Variants in RPS6KC1 observed in about 807,000 individuals in gnomAD.
RPS6KC1 encodes ribosomal protein S6 kinase C1.
RPS6KC1 carries 54 observed loss-of-function variants against 103.8 expected under a neutral mutation model. The observed-to-expected ratio is 0.52, with a 90% CI of 0.42 to 0.65. RPS6KC1 has a LOEUF of 0.65. Ranked by LOEUF, RPS6KC1 falls within the 30% of genes least tolerant of loss-of-function variation. The pLI is 0.00. For synonymous variants in RPS6KC1, 439 were observed against 438.7 expected (o/e 1.00, Z -0.01); for missense variants, 1,151 against 1,253.8 (o/e 0.92, Z 1.24).
the RPS6KC1 span, among the ~76,000 whole-genome samples, chr1:213,344,002 T>A: frequency 6.6e-6 from 1 of 152,184 alleles, no homozygotes; most frequent in Admixed American, 6.5e-5. Context: ...GTGTGAGGTC[T>A]AAATAAAAGC....
the RPS6KC1 span, among the ~76,000 whole-genome samples, chr1:213,318,739 G>C: frequency 6.6e-6 from 1 of 152,142 alleles, no homozygotes; most frequent in Non-Finnish European, 1.5e-5. Flanking sequence ...ATCAGATCTC[G>C]TGAGACTTAT....
chr1:213,638,039 C>A, the RPS6KC1 span, among the ~76,000 whole-genome samples: 1 of 151,808 alleles, frequency 6.6e-6, no homozygotes, highest in Non-Finnish European at 1.5e-5. Flanking sequence ...GGCTGGTCTA[C>A]AACTTGTGGG....
the RPS6KC1 span, among the ~76,000 whole-genome samples, chr1:213,715,792 A>C: frequency 6.6e-6 from 1 of 152,210 alleles, no homozygotes; most frequent in East Asian, 1.9e-4. Context: ...GCCAGGAAAG[A>C]CATTTGAGAT....
At chr1:213,685,838 T>C in the RPS6KC1 span, among the ~76,000 whole-genome samples, 1 of 152,176 alleles carries the variant, frequency 6.6e-6, no homozygotes, top group South Asian at 2.1e-4. Flanking sequence ...TAAAAATAAT[T>C]TTTAAATTCA....
the RPS6KC1 span, among the ~76,000 whole-genome samples, chr1:213,500,617 C>G: frequency 6.6e-6 from 1 of 152,278 alleles, no homozygotes; most frequent in Non-Finnish European, 1.5e-5. Context: ...GTTATCACCA[C>G]AAACACATGA....
At chr1:213,707,654 C>G in the RPS6KC1 span, among the ~76,000 whole-genome samples, 7 of 152,188 alleles carry the variant, frequency 4.6e-5, no homozygotes, top group Non-Finnish European at 2.9e-5. Flanking sequence ...AGGTTTTCAT[C>G]TAGGGTTTTT....
At chr1:213,462,280 A>G in the RPS6KC1 span, among the ~76,000 whole-genome samples, 3 of 152,236 alleles carry the variant, frequency 2.0e-5, no homozygotes, top group East Asian at 5.8e-4. Flanking sequence ...GAGGATGTGG[A>G]GAAATAGGAA....
intron 7 of RPS6KC1, among the ~76,000 whole-genome samples, chr1:213,169,505 GTTC>G (rs2091289097): frequency 6.6e-6 from 1 of 151,962 alleles, no homozygotes; most frequent in Admixed American, 6.6e-5. Flanking sequence ...CTCTATCATT[GTTC>G]TTTTAATTAT....
At chr1:213,302,630 G>A in the RPS6KC1 span, among the ~76,000 whole-genome samples, 6 of 152,324 alleles carry the variant, frequency 3.9e-5, no homozygotes, top group East Asian at 1.9e-4. Flanking sequence ...CGGGGTTGAC[G>A]TGTCGTGGAA....
the RPS6KC1 span, among the ~76,000 whole-genome samples, chr1:213,662,297 T>C: frequency 3.3e-5 from 5 of 152,116 alleles, no homozygotes; most frequent in Admixed American, 3.3e-4. Context: ...AGACAGAATC[T>C]TGCCATGTCA....
At chr1:213,609,792 C>T in the RPS6KC1 span, among the ~76,000 whole-genome samples, 39 of 145,966 alleles carry the variant, frequency 2.7e-4, no homozygotes, top group African/African-American at 4.0e-4. Context: ...TGGCAAAACC[C>T]GCCATTACTT....
the RPS6KC1 span, among the ~76,000 whole-genome samples, chr1:213,780,841 T>C: frequency 1.3e-5 from 2 of 152,250 alleles, no homozygotes; most frequent in East Asian, 3.9e-4. Context: ...CTGGCTAACA[T>C]GGTGAAACCC....
At chr1:213,790,816 A>T in the RPS6KC1 span, among the ~76,000 whole-genome samples, 6 of 152,188 alleles carry the variant, frequency 3.9e-5, no homozygotes, top group Admixed American at 2.0e-4. Context: ...GAATGTCAAG[A>T]CATAAGGTGA....
the RPS6KC1 span, among the ~76,000 whole-genome samples, chr1:213,790,680 C>T: frequency 6.6e-6 from 1 of 152,238 alleles, no homozygotes; most frequent in African/African-American, 2.4e-5. Context: ...ATCCATGAAA[C>T]ACAAATACCC....
At chr1:213,746,022 A>G in the RPS6KC1 span, among the ~76,000 whole-genome samples, 1 of 152,312 alleles carries the variant, frequency 6.6e-6, no homozygotes, top group African/African-American at 2.4e-5. Context: ...TCATTTAACA[A>G]ATACTGAGCG....
At chr1:213,185,000 A>G (rs1017471531) in intron 8 of RPS6KC1, among the ~76,000 whole-genome samples, 5 of 152,186 alleles carry the variant, frequency 3.3e-5, no homozygotes, top group South Asian at 2.1e-4. Flanking sequence ...CAGTAGGCCT[A>G]TTAGATTTAG....
At chr1:213,507,517 T>C in the RPS6KC1 span, among the ~76,000 whole-genome samples, 1 of 151,172 alleles carries the variant, frequency 6.6e-6, no homozygotes, top group Admixed American at 6.6e-5. Context: ...CATAACTTTA[T>C]ACAGTCTGAG....
chr1:213,419,606 C>A, the RPS6KC1 span, among the ~76,000 whole-genome samples: 1 of 152,186 alleles, frequency 6.6e-6, no homozygotes, highest in African/African-American at 2.4e-5. Context: ...ATACTGCCCC[C>A]GTCTGTCTCA....
chr1:213,187,188 G>C (rs1434909248), intron 8 of RPS6KC1, among the ~76,000 whole-genome samples: 1 of 151,288 alleles, frequency 6.6e-6, no homozygotes, highest in East Asian at 1.9e-4. Context: ...ACCATGCCTA[G>C]CCTCTGTTTG....
Sources: gnomAD v4.1 joint callset for allele counts (sites outside exome capture counted in the v4.1 genomes callset) on GRCh38, gnomAD v4.1.1 for gene constraint, MANE v1.5 for transcripts, NCBI Gene and HGNC (gene_info 2026-07-23, HGNC 2026-07-21) for gene names.